UPRT: variants seen among roughly 807,000 people sequenced by gnomAD.
UPRT encodes the protein uracil phosphoribosyltransferase homolog.
Under a neutral mutation model 22.6 loss-of-function variants are expected in UPRT, and 5 were observed. That is an observed-to-expected ratio of 0.22 (90% CI 0.12 to 0.47). The LOEUF is 0.47. Ranked by LOEUF, UPRT falls within the 20% of genes least tolerant of loss-of-function variation. The pLI, the probability that UPRT is intolerant of heterozygous loss-of-function variation, is 0.99. For missense variants in UPRT, 181 were observed against 239.9 expected (o/e 0.75, Z 1.62); for synonymous variants, 77 against 87.7 (o/e 0.88, Z 0.68).
At chrX:75,181,236 A>G (rs779708214) in intron 4 of UPRT, among the ~76,000 whole-genome samples, 2 of 111,046 alleles carry the variant, frequency 1.8e-5, no homozygotes, top group East Asian at 5.7e-4. Flanking sequence ...TACCAGTGCC[A>G]TGTTGTTTTG....
intron 4 of UPRT, among the ~76,000 whole-genome samples, chrX:75,217,485 C>T (rs1229757041): frequency 9.0e-6 from 1 of 111,432 alleles, no homozygotes; most frequent in Non-Finnish European, 1.9e-5. Context: ...TTTCCTTGAG[C>T]AGTGGTTTGT....
chrX:75,236,527 C>T (rs1359930928), intron 4 of UPRT, among the ~76,000 whole-genome samples: 3 of 111,706 alleles, frequency 2.7e-5, no homozygotes, highest in Admixed American at 9.5e-5. Flanking sequence ...CTGGAGGTAT[C>T]GCACTACCTG....
upstream of UPRT, among the ~76,000 whole-genome samples, chrX:75,270,256 C>T (rs188997608): frequency 3.2e-4 from 36 of 111,630 alleles, no homozygotes; most frequent in East Asian, 7.4e-3. Flanking sequence ...CAGGAAACAA[C>T]GGATGCTGGA....
intron 4 of UPRT, among the ~76,000 whole-genome samples, chrX:75,215,700 A>T (rs888926054): frequency 8.9e-6 from 1 of 111,737 alleles, no homozygotes; most frequent in African/African-American, 3.2e-5. Context: ...TCCATTACAG[A>T]TATTAAAATT....
chrX:75,156,742 A>G, intron 1 of UPRT: 2 of 331,788 alleles, frequency 6.0e-6, no homozygotes, highest in South Asian at 5.2e-5. Flanking sequence ...TGAATTAAGG[A>G]AAGATTAAAC....
At position 75,304,251 on chromosome X, in the gene UPRT, A is replaced by G. The variant is rs1286971263; in HGVS notation, c.*740A>G. ...GGGAGAGCCAAGTACTGTTAATGCC[A>G]TCAATCCTCTAGGAAGGAATTGGTG... On this transcript the variant is annotated 3_prime_UTR_variant, in exon 7 of 7. Transcript: ENST00000373383. The G allele has an allele frequency of 9.0e-6, 1 of 111,637 alleles. No homozygotes were observed. The highest frequency in any genetic ancestry group is 1.9e-5 in the Non-Finnish European group (1 of 53,142). The allele number at this position is 111,637 out of a possible 1,213,427, so 9.2% of individuals were successfully genotyped here. A position where few individuals can be genotyped will look rare whatever the true frequency, so the allele number is the denominator to read the frequency against.
In UPRT at chrX:75,301,092, G is replaced by A. The variant is rs2082742802; in HGVS notation, c.823+127G>A. ...CACATTAAATCTGAATCTAATTTGGGTAATTATAACTTGTGTTTGTCATCT... is the reference window on the plus strand; with the variant it reads ...CACATTAAATCTGAATCTAATTTGGATAATTATAACTTGTGTTTGTCATCT... On this transcript the variant is annotated intron_variant, in intron 6 of 6. Coordinates refer to ENST00000373383, the MANE Select transcript of UPRT (RefSeq NM_145052.4). 6.8e-6 allele frequency: 3 copies of A among 439,661 alleles called. No individual in the cohort carries two copies. The African/African-American group carries it at 7.7e-5, about 11-fold the overall frequency. The allele number at this position is 439,661 out of a possible 1,213,427, so 36.2% of individuals were successfully genotyped here.
chrX:75,272,305 TATATGTGTATATATAC>T (rs775292092), upstream of UPRT, among the ~76,000 whole-genome samples: 262 of 15,391 alleles, frequency 0.017, 1 homozygote, highest in South Asian at 0.1. Context: ...TATGTGTATA[TATATGTGTATATATAC>T]ATATATATGT....
chrX:75,239,956 G>T (rs1602468658), intron 4 of UPRT, among the ~76,000 whole-genome samples: 2 of 111,225 alleles, frequency 1.8e-5, no homozygotes, highest in Non-Finnish European at 3.8e-5. Flanking sequence ...TAAGGTAATA[G>T]AAGTTATCTA....
chrX:75,178,607 C>T (rs199550010), intron 4 of UPRT, among the ~76,000 whole-genome samples: 5 of 110,277 alleles, frequency 4.5e-5, no homozygotes, highest in East Asian at 5.8e-4. Context: ...CTGGTGGGTT[C>T]GTGGTCTCAC....
chrX:75,241,434 C>T (rs1001537331), intron 4 of UPRT, among the ~76,000 whole-genome samples: 13 of 111,310 alleles, frequency 1.2e-4, no homozygotes, highest in African/African-American at 3.9e-4. Flanking sequence ...TACATGTTGG[C>T]ATGGATGTGG....
chrX:75,259,900 C>A (rs1218860936), intron 4 of UPRT, among the ~76,000 whole-genome samples: 1 of 112,036 alleles, frequency 8.9e-6, no homozygotes, highest in Non-Finnish European at 1.9e-5. Flanking sequence ...AGACTAATAG[C>A]AGATCTCTCT....
At position 75,226,814 on chromosome X, in the gene UPRT, G is replaced by A. The variant is rs758522688; in HGVS notation, c.-447+58935G>A. Among the ~76,000 whole-genome samples the A allele has an allele frequency of 1.4e-4, 15 of 110,160 alleles. No homozygotes were observed. In the South Asian group the frequency reaches 1.6e-3, roughly 11 times the overall value. On this transcript the variant is annotated intron_variant, in intron 4 of 13. Transcript: ENST00000652605. Reference sequence around the variant, plus strand: ...TGTTTCCCTGCCAATTGACTGTAACGTCCATGAGGGCTGGGATAATTTTCT... The same window carrying A: ...TGTTTCCCTGCCAATTGACTGTAACATCCATGAGGGCTGGGATAATTTTCT...
chrX:75,251,561 G>T (rs1459317864), intron 4 of UPRT, among the ~76,000 whole-genome samples: 1 of 111,509 alleles, frequency 9.0e-6, no homozygotes, highest in Non-Finnish European at 1.9e-5. Flanking sequence ...TGAAATAAAA[G>T]AGGATACAAA....
chrX:75,248,147 A>C (rs1036051794), intron 4 of UPRT, among the ~76,000 whole-genome samples: 2 of 111,820 alleles, frequency 1.8e-5, no homozygotes, highest in African/African-American at 6.5e-5. Flanking sequence ...AACTCTAAAA[A>C]TCAGAACACC....
intron 1 of UPRT, among the ~76,000 whole-genome samples, chrX:75,279,093 T>G (rs1357609311): frequency 2.7e-5 from 3 of 111,171 alleles, no homozygotes; most frequent in African/African-American, 9.8e-5. Context: ...TGTGCTGTGT[T>G]TAGACTGGGC....
chrX:75,182,267 T>C (rs943459645), intron 4 of UPRT, among the ~76,000 whole-genome samples: 1 of 111,948 alleles, frequency 8.9e-6, no homozygotes, highest in Non-Finnish European at 1.9e-5. Context: ...TAGTCATTCT[T>C]TGAGGATTTT....
intron 4 of UPRT, among the ~76,000 whole-genome samples, chrX:75,184,108 T>A: frequency 8.9e-6 from 1 of 111,853 alleles, no homozygotes; most frequent in Middle Eastern, 4.7e-3. Context: ...CATGCCTATG[T>A]CCTGAATGAT....
intron 4 of UPRT, among the ~76,000 whole-genome samples, chrX:75,193,946 T>G (rs1477941530): frequency 8.9e-6 from 1 of 111,973 alleles, no homozygotes; most frequent in Non-Finnish European, 1.9e-5. Context: ...ATTCTGAATT[T>G]TATTCCTGTA....
Sources: allele counts gnomAD v4.1 joint callset (sites outside exome capture counted in the v4.1 genomes callset), GRCh38; gene constraint gnomAD v4.1.1; transcripts MANE v1.5; gene names NCBI Gene and HGNC (gene_info 2026-07-23, HGNC 2026-07-21).